Variants in MYH7B observed in about 807,000 individuals in gnomAD.
MYH7B encodes the protein myosin-7B.
Under a neutral mutation model 234.5 loss-of-function variants are expected in MYH7B, and 205 were observed. The observed-to-expected ratio is 0.87, with a 90% CI of 0.78 to 0.98. The LOEUF is 0.98. Ranked by LOEUF, MYH7B falls within the 50% of genes least tolerant of loss-of-function variation. The pLI is 0.00. For synonymous variants in MYH7B, 1,193 were observed against 1,105.0 expected (o/e 1.08, Z -1.58); for missense variants, 2,652 against 2,633.4 (o/e 1.01, Z -0.15).
At chr20:34,983,298 C>CTTTTTTTTTTTTTTTTTTTT (rs57589264) in intron 10 of MYH7B, among the ~76,000 whole-genome samples, 3 of 71,664 alleles carry the variant, frequency 4.2e-5, no homozygotes, top group African/African-American at 1.1e-4. Flanking sequence ...CTTTTCTTTT[C>CTTTTTTTTTTTTTTTTTTTT]TTTTTTTTTT....
intron 35 of MYH7B, 27 bp downstream of exon 35, chr20:34,998,942 G>A: frequency 6.2e-7 from 1 of 1,603,122 alleles, no homozygotes; most frequent in Non-Finnish European, 8.5e-7. Flanking sequence ...CCAGGCCACT[G>A]CCATGCAGAG....
exon 27 of MYH7B, chr20:34,994,393 C>T: frequency 6.3e-7 from 1 of 1,577,648 alleles, no homozygotes; most frequent in African/African-American, 1.4e-5. Flanking sequence ...GGCCCTGCAG[C>T]TGCAGGCTGT....
chr20:34,967,807 A>C (rs1180822078), intron 2 of MYH7B, among the ~76,000 whole-genome samples: 3 of 152,188 alleles, frequency 2.0e-5, no homozygotes, highest in Non-Finnish European at 4.4e-5. Flanking sequence ...AAACTGACCA[A>C]GCCTGGGGCA....
chr20:34,958,218 A>T lies in MYH7B; in HGVS notation c.-222+6A>T, dbSNP rs2081659808. 6.6e-6 allele frequency among the ~76,000 whole-genome samples: 1 copy of T among 152,128 alleles called. No homozygotes were observed. The highest frequency in any genetic ancestry group is 6.5e-5 in the Admixed American group (1 of 15,272). ...AACCTCTCACAATGTGGCAGGTAAGATGTCTTTATTCCCATTTTGTAGATG... is the reference window on the plus strand; with the variant it reads ...AACCTCTCACAATGTGGCAGGTAAGTTGTCTTTATTCCCATTTTGTAGATG... On this transcript the variant is annotated splice_donor_region_variant and intron_variant, in intron 2 of 44. Coordinates refer to ENST00000262873, the Ensembl canonical transcript of MYH7B.
chr20:34,961,188 T>G (rs2147148641), intron 2 of MYH7B, among the ~76,000 whole-genome samples: 1 of 152,340 alleles, frequency 6.6e-6, no homozygotes, highest in Admixed American at 6.5e-5. Flanking sequence ...TGTTATATAC[T>G]TATGTATCCA....
exon 33 of MYH7B, chr20:34,998,337 A>C: frequency 6.2e-7 from 1 of 1,613,994 alleles, no homozygotes; most frequent in Non-Finnish European, 8.5e-7. Context: ...GGATCAGCTA[A>C]GCGAGGCCAA....
chr20:34,998,513 G>T lies in MYH7B; in HGVS notation c.3877G>T (p.Glu1293Ter). ...TCCGCTCGCCTCTTTGCCTGCAGGG[G>T]AGCTGAGTCGCCTGCTAGAGGAGAA... is the stretch of plus-strand genomic sequence containing the variant. The change falls in exon 34 of 45, where the codon GAG (glutamate) becomes TAG (stop). Residue 1293 changes from glutamate (E) to a stop codon, truncating the protein, a stop_gained and splice_region_variant. Coordinates refer to ENST00000262873, the Ensembl canonical transcript of MYH7B. LOFTEE classifies it high-confidence loss of function. The T allele has an allele frequency of 6.2e-7, 1 of 1,613,372 alleles. No individual in the cohort carries two copies. The highest frequency in any genetic ancestry group is 8.5e-7 in the Non-Finnish European group (1 of 1,179,872).
At chr20:34,991,072 TGCC>T in exon 24 of MYH7B, 4 of 1,613,804 alleles carry the variant, frequency 2.5e-6, no homozygotes, top group South Asian at 1.1e-5. Context: ...GATCCGGATC[TGCC>T]GCCAAGGGTT....
chr20:34,984,633 A>ACCCCCCCCATCCCC, intron 10 of MYH7B, 59 bp from the exon 11 acceptor site: 1 of 983,844 alleles, frequency 1.0e-6, no homozygotes, highest in Non-Finnish European at 1.5e-6. Flanking sequence ...ACCCTGCCCC[A>ACCCCCCCCATCCCC]CCCCGCCCTT....
chr20:34,980,804 C>T (rs540069100), intron 8 of MYH7B, 70 bp downstream of exon 8: 3 of 1,580,932 alleles, frequency 1.9e-6, no homozygotes, highest in South Asian at 1.1e-5. Context: ...CTGTAAGGGA[C>T]CCCCTTCCCC....
chr20:34,966,450 A>G, intron 2 of MYH7B, among the ~76,000 whole-genome samples: 1 of 152,218 alleles, frequency 6.6e-6, no homozygotes, highest in Non-Finnish European at 1.5e-5. Flanking sequence ...AACAGAGGAC[A>G]GACTGGTGGT....
intron 14 of MYH7B, 36 bp from the exon 15 acceptor site, chr20:34,986,850 C>T (rs1242137239): frequency 1.3e-6 from 2 of 1,557,876 alleles, no homozygotes; most frequent in African/African-American, 1.4e-5. Context: ...CCGGTAAGCA[C>T]TGCCTGACCC....
intron 5 of MYH7B, among the ~76,000 whole-genome samples, chr20:34,978,907 T>A (rs2081897821): frequency 6.6e-6 from 1 of 152,118 alleles, no homozygotes; most frequent in Non-Finnish European, 1.5e-5. Context: ...AAATCTGGGC[T>A]CCTCAAAGCT....
intron 32 of MYH7B, 60 bp from the exon 33 acceptor site, chr20:34,998,235 A>C: frequency 6.3e-7 from 1 of 1,589,526 alleles, no homozygotes; most frequent in African/African-American, 1.3e-5. Context: ...CTGCCATCTG[A>C]TGCACAAACT....
At position 34,988,104 on chromosome 20, in the gene MYH7B, G is replaced by C. The variant is rs200355795; in HGVS notation, c.1429G>C (p.Glu477Gln). The change falls in exon 19 of 45, where the codon GAA (glutamate) becomes CAA (glutamine). Residue 477 changes from glutamate to glutamine, a missense_variant. By Grantham distance (29) the Glu-to-Gln change is conservative. Transcript: ENST00000262873. ...CTCCCTCTTGTAGTTCAACAGCTTC[G>C]AACAGCTGTGCATCAACTTCACCAA... The C allele has an allele frequency of 1.1e-5, 17 of 1,613,280 alleles. No homozygotes were observed. The African/African-American group carries it at 2.1e-4, about 20-fold the overall frequency.
exon 20 of MYH7B, chr20:34,989,880 G>A: frequency 6.2e-7 from 1 of 1,614,190 alleles, no homozygotes; most frequent in African/African-American, 1.3e-5. Flanking sequence ...AGAAGCGCAA[G>A]TACCAGGCCC....
exon 20 of MYH7B, chr20:34,989,898 G>A (rs1265539673): frequency 6.2e-7 from 1 of 1,614,154 alleles, no homozygotes; most frequent in Non-Finnish European, 8.5e-7. Context: ...CCCACTTCGA[G>A]GTGGTCCACT....
In MYH7B at chr20:34,989,860, C is replaced by T. The variant is rs201324012; in HGVS notation, c.1708C>T (p.Arg570Trp). The T allele has an allele frequency of 2.6e-5, 42 of 1,614,184 alleles. No individual in the cohort carries two copies. In the East Asian group the frequency reaches 2.7e-4, roughly 10 times the overall value. ...GAAGTCACCCAATTTCCAGCAGCCTCGGCCTGACAAGAAGCGCAAGTACCA... is the reference window on the plus strand; with the variant it reads ...GAAGTCACCCAATTTCCAGCAGCCTTGGCCTGACAAGAAGCGCAAGTACCA... Residue 570 changes from arginine (R) to tryptophan (W), a missense_variant, in exon 20 of 45, where the codon CGG becomes TGG. Physicochemically the swap from Arg to Trp is moderately radical, Grantham distance 101 (BLOSUM62 -3). Transcript: ENST00000262873.
chr20:35,000,883 C>A lies in MYH7B; in HGVS notation c.5294C>A (p.Ala1765Asp), dbSNP rs758324393. Residue 1765 changes from alanine to aspartate, a missense_variant, in exon 40 of 45, where the codon GCC becomes GAC. By Grantham distance (126) the Ala-to-Asp change is moderately radical. Transcript: ENST00000262873. ...GAGGCTGAGGAGAAGGCCAAAAAGG[C>A]CATCACTGATGTGAGGCTGGGCAAG... is the stretch of plus-strand genomic sequence containing the variant. The A allele has an allele frequency of 1.2e-6, 2 of 1,612,430 alleles. No individual in the cohort carries two copies. Among genetic ancestry groups the A allele is most frequent in the African/African-American group, 1.3e-5 (1 of 74,832 alleles).
Sources: allele counts gnomAD v4.1 joint callset (sites outside exome capture counted in the v4.1 genomes callset), GRCh38; gene constraint gnomAD v4.1.1; transcripts MANE v1.5; gene names NCBI Gene and HGNC (gene_info 2026-07-23, HGNC 2026-07-21).